Variants in ZMYM1 observed in about 807,000 individuals in gnomAD.
ZMYM1 encodes zinc finger MYM-type containing 1, also known as zinc finger MYM-type protein 1.
ZMYM1 carries 39 observed loss-of-function variants against 60.0 expected under a neutral mutation model. The observed-to-expected ratio is 0.65, with a 90% CI of 0.50 to 0.85. ZMYM1 has a LOEUF of 0.85. ZMYM1 is among the 40% of genes least tolerant of loss of function. The pLI, the probability that ZMYM1 is intolerant of heterozygous loss-of-function variation, is 0.00. For synonymous variants in ZMYM1, 413 were observed against 454.0 expected, an observed-to-expected ratio of 0.91 and a Z score of 1.15; for missense variants, 1,171 against 1,309.5, an observed-to-expected ratio of 0.89 and a Z score of 1.63.
At chr1:35,063,704 T>C (rs541693284) in intron 1 of ZMYM1, among the ~76,000 whole-genome samples, 2 of 152,054 alleles carry the variant, frequency 1.3e-5, no homozygotes, top group South Asian at 4.2e-4. Flanking sequence ...GATAAGGAAA[T>C]AGGGTTTGCT....
At chr1:35,116,239 T>C (rs571283323), downstream of ZMYM1, among the ~76,000 whole-genome samples, 1 of 152,262 alleles carries the variant, frequency 6.6e-6, no homozygotes, top group Admixed American at 6.5e-5. Flanking sequence ...CTTATCTCTT[T>C]AAAACAAACA....
upstream of ZMYM1, among the ~76,000 whole-genome samples, chr1:35,074,634 C>T (rs1439203834): frequency 6.6e-6 from 1 of 151,746 alleles, no homozygotes; most frequent in Admixed American, 6.6e-5. Context: ...GTCTTGAACT[C>T]CTGACCTCGT....
At position 35,115,523 on chromosome 1, in the gene ZMYM1, C is replaced by T. The variant is rs1195931484; in HGVS notation, c.*264C>T. On this transcript the variant is annotated 3_prime_UTR_variant, in exon 10 of 10. Transcript: ENST00000359858. ...ACATATTTTTGAGATTGTCCCATGT[C>T]GTTACATGAAGAGTTTCTTGATTCT... is the stretch of plus-strand genomic sequence containing the variant. The T allele has an allele frequency of 4.5e-6, 1 of 223,278 alleles. No homozygotes were observed. Among genetic ancestry groups the T allele is most frequent in the Non-Finnish European group, 8.7e-6 (1 of 115,064 alleles). The allele number at this position is 223,278 out of a possible 1,614,324, so 13.8% of individuals were successfully genotyped here. A position where few individuals can be genotyped will look rare whatever the true frequency, so the allele number is the denominator to read the frequency against.
downstream of ZMYM1, chr1:35,115,922 A>G (rs890100359): frequency 3.3e-5 from 5 of 152,160 alleles, no homozygotes; most frequent in African/African-American, 4.8e-5. Flanking sequence ...AGAATTTTGT[A>G]TATTCACTTA....
At chr1:35,092,438 G>C (rs1300135609) in intron 1 of ZMYM1, among the ~76,000 whole-genome samples, 2 of 148,314 alleles carry the variant, frequency 1.3e-5, no homozygotes, top group Non-Finnish European at 3.0e-5. Flanking sequence ...ACGGGGTTTC[G>C]CCTTGTTTGC....
chr1:35,108,377 A>G (rs886421463), intron 6 of ZMYM1, among the ~76,000 whole-genome samples: 1 of 151,986 alleles, frequency 6.6e-6, no homozygotes, highest in Non-Finnish European at 1.5e-5. Context: ...TTTGAGACAC[A>G]GTCTTGCTCT....
intron 7 of ZMYM1, 137 bp from the exon 8 acceptor site, chr1:35,111,635 A>G: frequency 3.0e-6 from 2 of 664,650 alleles, no homozygotes; most frequent in Non-Finnish European, 2.2e-6. Flanking sequence ...CCTAAGCCCT[A>G]ATAAAAATTA....
rs1341534874 is a variant in ZMYM1, at chr1:35,080,505, C to T, written c.-75+1063C>T. The stretch of plus-strand genomic sequence containing the variant: ...CTAATTTTTGTATTTTTTGTAGAGA[C>T]AGGTTATCTTCATGTTGCCTAGGCT... On this transcript the variant is annotated intron_variant, in intron 1 of 9. Transcript: ENST00000359858. 2.0e-5 allele frequency among the ~76,000 whole-genome samples: 3 copies of T among 151,858 alleles called. No individual in the cohort carries two copies. In the East Asian group the frequency reaches 5.8e-4, roughly 29 times the overall value.
In ZMYM1 at chr1:35,114,773, A is replaced by T. The variant is rs751374388; in HGVS notation, c.2943A>T (p.Leu981Phe). The T allele has an allele frequency of 3.8e-6, 6 of 1,598,094 alleles. No individual in the cohort carries two copies. Among genetic ancestry groups the T allele is most frequent in the Non-Finnish European group, 5.1e-6 (6 of 1,170,616 alleles). ...ATACTATATTACAAAATTTAAAGTT[A>T]TGTTTTTCGGAGTTTGATTATTGCA... is the stretch of plus-strand genomic sequence containing the variant. Reference protein sequence around the residue: ...GLDTILQNLKLCFSEFDYCKI... With the variant: ...GLDTILQNLKFCFSEFDYCKI... The change falls in exon 10 of 10, where the codon TTA (leucine) becomes TTT (phenylalanine). Residue 981 changes from leucine to phenylalanine, a missense_variant. By Grantham distance (22) the Leu-to-Phe change is conservative. Transcript: ENST00000359858.
chr1:35,100,237 T>C (rs1049776446), intron 4 of ZMYM1, among the ~76,000 whole-genome samples: 1 of 152,160 alleles, frequency 6.6e-6, no homozygotes, highest in African/African-American at 2.4e-5. Flanking sequence ...AATGATTTAA[T>C]ATCTGTTTTG....
Position 35,114,865 on chromosome 1 carries a change from A to G in ZMYM1, c.3035A>G (p.His1012Arg), listed in dbSNP as rs754534635. 8.1e-6 allele frequency: 13 copies of G among 1,606,320 alleles called. No individual in the cohort carries two copies. The South Asian group carries it at 1.2e-4, about 15-fold the overall frequency. Reference protein sequence around the residue: ...NEPLNETTAKHVQEFYKLDED... With the variant: ...NEPLNETTAKRVQEFYKLDED... The stretch of plus-strand genomic sequence containing the variant: ...CCATTAAATGAAACAACAGCAAAAC[A>G]TGTTCAGGAATTTTATAAACTTGAT... The change falls in exon 10 of 10, where the codon CAT (histidine) becomes CGT (arginine). Residue 1012 changes from histidine to arginine, a missense_variant. By Grantham distance (29) the His-to-Arg change is conservative. Transcript: ENST00000359858.
At chr1:35,061,120 T>G (rs78099716) in intron 1 of ZMYM1, among the ~76,000 whole-genome samples, 5,379 of 152,280 alleles carry the variant, frequency 0.035, 335 homozygotes, top group African/African-American at 0.12. Context: ...TTGGATTCTA[T>G]GGTCACATCA....
chr1:35,096,325 A>AG (rs1643318996), intron 3 of ZMYM1, among the ~76,000 whole-genome samples: 1 of 146,342 alleles, frequency 6.8e-6, no homozygotes. Context: ...AAAAAAAAAA[A>AG]GAGAAGAAAA....
At chr1:35,069,132 C>A (rs977414892) in intron 1 of ZMYM1, among the ~76,000 whole-genome samples, 2 of 152,184 alleles carry the variant, frequency 1.3e-5, no homozygotes, top group Non-Finnish European at 2.9e-5. Flanking sequence ...CCGCACCTGG[C>A]CTGGAAGTTC....
At chr1:35,075,010 G>A (rs755384603), upstream of ZMYM1, among the ~76,000 whole-genome samples, 5 of 151,920 alleles carry the variant, frequency 3.3e-5, no homozygotes, top group Non-Finnish European at 7.4e-5. Flanking sequence ...ACAGGCGCCC[G>A]TCACTGCGCC....
chr1:35,099,011 T>C (rs1010794084), intron 4 of ZMYM1, among the ~76,000 whole-genome samples: 1 of 152,250 alleles, frequency 6.6e-6, no homozygotes, highest in Non-Finnish European at 1.5e-5. Flanking sequence ...TCTTTGTTAC[T>C]TAGTATTCGT....
In ZMYM1 at chr1:35,115,844, T is replaced by C. The variant is rs900464326; in HGVS notation, c.*585T>C. 1 of 152,232 alleles carries C rather than the reference T, an allele frequency of 6.6e-6. No individual in the cohort carries two copies. The highest frequency in any genetic ancestry group is 6.5e-5 in the Admixed American group (1 of 15,288). The allele number at this position is 152,232 out of a possible 1,614,324, so 9.4% of individuals were successfully genotyped here. A position where few individuals can be genotyped will look rare whatever the true frequency, so the allele number is the denominator to read the frequency against. ...TGCATGAGAGTGCCTATTAAATCTT[T>C]GTAAGTGTTATCAAATGTTTTGATC... On this transcript the variant is annotated 3_prime_UTR_variant, in exon 10 of 10. Coordinates refer to ENST00000359858, the MANE Select transcript of ZMYM1 (RefSeq NM_024772.5).
chr1:35,109,878 C>A (rs2148562927), intron 6 of ZMYM1, among the ~76,000 whole-genome samples: 1 of 152,212 alleles, frequency 6.6e-6, no homozygotes, highest in Admixed American at 6.5e-5. Flanking sequence ...TCCTGAGTAA[C>A]TGTGATTACA....
intron 1 of ZMYM1, among the ~76,000 whole-genome samples, chr1:35,085,298 C>G (rs1430831092): frequency 6.6e-6 from 1 of 152,142 alleles, no homozygotes; most frequent in Non-Finnish European, 1.5e-5. Context: ...CCACCCGCCT[C>G]GGCCTCCTAA....
Sources: allele counts gnomAD v4.1 joint callset (sites outside exome capture counted in the v4.1 genomes callset), GRCh38; gene constraint gnomAD v4.1.1; transcripts MANE v1.5; gene names NCBI Gene and HGNC (gene_info 2026-07-23, HGNC 2026-07-21).